Variants in KAT14 observed in about 807,000 individuals in gnomAD.
The protein encoded by KAT14 is lysine acetyltransferase 14, also known as cysteine-rich protein 2-binding protein.
A neutral mutation model predicts 78.4 loss-of-function variants in KAT14; 66 were observed. That is an observed-to-expected ratio of 0.84 (90% CI 0.69 to 1.03). The LOEUF (loss-of-function observed/expected upper bound fraction) is 1.03, where lower values mean the gene tolerates loss of function less well. KAT14 is among the 50% of genes least tolerant of loss of function. KAT14 has a pLI of 0.00. For missense variants in KAT14, 870 were observed against 972.5 expected (o/e 0.89, Z 1.40); for synonymous variants, 344 against 359.4 (o/e 0.96, Z 0.48).
intron 7 of KAT14, among the ~76,000 whole-genome samples, chr20:18,173,865 C>G (rs934788648): frequency 9.2e-5 from 14 of 152,136 alleles, no homozygotes; most frequent in African/African-American, 3.1e-4. Context: ...TTACAATTCA[C>G]CTATTTAAAG....
At chr20:18,184,460 T>A in intron 9 of KAT14, 142 bp from the exon 10 acceptor site, 1 of 746,190 alleles carries the variant, frequency 1.3e-6, no homozygotes, top group Non-Finnish European at 2.1e-6. Flanking sequence ...GGTTGTGTGG[T>A]CTCTATGTTA....
Position 18,187,534 on chromosome 20 carries a change from G to T in KAT14, c.*75G>T. ...TTGTGGAGATCTAAAGGCAGTGATT[G>T]ATTTCACAGGGAGCTCTAATCTCTG... On this transcript the variant is annotated 3_prime_UTR_variant, in exon 11 of 11. Transcript: ENST00000688188. 1 of 1,590,526 alleles carries T rather than the reference G, an allele frequency of 6.3e-7. No individual in the cohort carries two copies. Among genetic ancestry groups the T allele is most frequent in the South Asian group, 1.2e-5 (1 of 86,442 alleles).
chr20:18,187,480 A>T lies in KAT14; in HGVS notation c.*21A>T. 4 of 1,613,528 alleles carry T rather than the reference A, an allele frequency of 2.5e-6. No homozygotes were observed. Among genetic ancestry groups the T allele is most frequent in the Non-Finnish European group, 3.4e-6 (4 of 1,179,834 alleles). Reference sequence around the variant, plus strand: ...GCTGATGCGAATACAGCTCACAGAGAAACGCATGTGCTATTGGAGAACAGG... The same window carrying T: ...GCTGATGCGAATACAGCTCACAGAGTAACGCATGTGCTATTGGAGAACAGG... On this transcript the variant is annotated 3_prime_UTR_variant, in exon 11 of 11. Coordinates refer to ENST00000688188, the MANE Select transcript of KAT14 (RefSeq NM_001392073.1).
At position 18,162,844 on chromosome 20, in the gene KAT14, G is replaced by C. The variant is rs764869019; in HGVS notation, c.1567G>C (p.Gly523Arg). ...VVNAALLLVDGIYGAKEGGIS... is the reference protein window; with the variant it reads ...VVNAALLLVDRIYGAKEGGIS... ...TAATGCTGCTCTTTTGTTAGTTGACGGGATTTATGGAGCCAAAGAAGGAGG... is the reference window on the plus strand; with the variant it reads ...TAATGCTGCTCTTTTGTTAGTTGACCGGATTTATGGAGCCAAAGAAGGAGG... The change falls in exon 7 of 11, where the codon GGG (glycine) becomes CGG (arginine). Residue 523 changes from glycine to arginine, a missense_variant. Coordinates refer to ENST00000688188, the MANE Select transcript of KAT14 (RefSeq NM_001392073.1). 1.2e-6 allele frequency: 2 copies of C among 1,614,154 alleles called. No homozygotes were observed. Among genetic ancestry groups the C allele is most frequent in the South Asian group, 1.1e-5 (1 of 91,078 alleles).
chr20:18,184,860 G>T, intron 10 of KAT14, 68 bp downstream of exon 10: 1 of 1,499,080 alleles, frequency 6.7e-7, no homozygotes. Context: ...GAGGAGGAAT[G>T]AAGCTGAGCT....
At chr20:18,150,778 T>G in intron 3 of KAT14, 43 bp from the exon 4 acceptor site, 3 of 1,612,998 alleles carry the variant, frequency 1.9e-6, no homozygotes, top group South Asian at 2.2e-5. Flanking sequence ...TTAACATCCC[T>G]AACCGTGCTG....
At chr20:18,171,769 A>AC (rs1375524719) in intron 7 of KAT14, among the ~76,000 whole-genome samples, 6 of 152,126 alleles carry the variant, frequency 3.9e-5, no homozygotes, top group African/African-American at 9.7e-5. Context: ...CTGAGATCAT[A>AC]CCCCTGCACT....
chr20:18,140,979 TC>T (rs2037528263), intron 1 of KAT14, among the ~76,000 whole-genome samples: 1 of 144,016 alleles, frequency 6.9e-6, no homozygotes, highest in Non-Finnish European at 1.5e-5. Context: ...CACCTCAGCC[TC>T]CGGAGTAGCT....
rs2039263289 is a variant in KAT14, at chr20:18,181,768, TGGTA to T, written c.1730_1733del (p.Val577AspfsTer20). 1 of 1,614,196 alleles carries T rather than the reference TGGTA, an allele frequency of 6.2e-7. No individual in the cohort carries two copies. The highest frequency in any genetic ancestry group is 8.5e-7 in the Non-Finnish European group (1 of 1,180,026). ...CAGACCACCAAGTTTTTGTATCGCT[TGGTA>T]GGATCAGAAGATATGGCTGTGGACC... On this transcript the variant is annotated frameshift_variant, in exon 8 of 11. Transcript: ENST00000688188. LOFTEE classifies it high-confidence loss of function.
At chr20:18,138,776 A>G (rs1179146482) in intron 1 of KAT14, among the ~76,000 whole-genome samples, 4 of 151,776 alleles carry the variant, frequency 2.6e-5, no homozygotes, top group Non-Finnish European at 5.9e-5. Context: ...CTCAGTTCAT[A>G]TTTTCTTTCT....
intron 7 of KAT14, among the ~76,000 whole-genome samples, chr20:18,170,685 C>T (rs920610457): frequency 6.6e-6 from 1 of 152,190 alleles, no homozygotes; most frequent in Non-Finnish European, 1.5e-5. Context: ...CAGGCGTCCG[C>T]CACCATGCCC....
rs1345913659 is a variant in KAT14, at chr20:18,142,734, A to G, written c.74A>G (p.Glu25Gly). Residue 25 changes from glutamate to glycine, a missense_variant, in exon 2 of 11, where the codon GAA becomes GGA. Coordinates refer to ENST00000688188, the MANE Select transcript of KAT14 (RefSeq NM_001392073.1). ...GAAGCCACGAGAACATCGACCTCAGAAGGACTGGAGGAAGGTGAAGTGGAG... is the reference window on the plus strand; with the variant it reads ...GAAGCCACGAGAACATCGACCTCAGGAGGACTGGAGGAAGGTGAAGTGGAG... ...DDEATRTSTS[E>G]GLEEGEVEGE... is the part of the protein sequence containing the mutation. 1.2e-6 allele frequency: 2 copies of G among 1,614,196 alleles called. No individual in the cohort carries two copies. The highest frequency in any genetic ancestry group is 1.3e-5 in the African/African-American group (1 of 75,052).
chr20:18,148,871 A>G (rs1668551106), intron 3 of KAT14, among the ~76,000 whole-genome samples: 2 of 152,058 alleles, frequency 1.3e-5, no homozygotes, highest in South Asian at 2.1e-4. Flanking sequence ...CAGCCTCCCA[A>G]AGTGCTGGGA....
At chr20:18,140,186 G>T (rs2037476658) in intron 1 of KAT14, among the ~76,000 whole-genome samples, 1 of 152,040 alleles carries the variant, frequency 6.6e-6, no homozygotes, top group Non-Finnish European at 1.5e-5. Flanking sequence ...GGCTTGGGAG[G>T]GTGGGTATCG....
chr20:18,182,444 T>C (rs2039294471), intron 8 of KAT14, among the ~76,000 whole-genome samples: 1 of 152,214 alleles, frequency 6.6e-6, no homozygotes, highest in Non-Finnish European at 1.5e-5. Flanking sequence ...TTTTAAATAC[T>C]AAAGTTGTAT....
chr20:18,180,075 G>T (rs770909188), intron 7 of KAT14, among the ~76,000 whole-genome samples: 14 of 152,008 alleles, frequency 9.2e-5, no homozygotes, highest in Non-Finnish European at 1.6e-4. Context: ...CACCATGTTG[G>T]CCAGGCTGGT....
At chr20:18,172,340 TCCG>T (rs2038874249) in intron 7 of KAT14, among the ~76,000 whole-genome samples, 1 of 151,752 alleles carries the variant, frequency 6.6e-6, no homozygotes. Flanking sequence ...GACCTCGTGA[TCCG>T]CCCGCCTCGG....
Position 18,162,464 on chromosome 20 carries a change from T to C in KAT14, c.1187T>C (p.Val396Ala), listed in dbSNP as rs919794112. 4.3e-6 allele frequency: 7 copies of C among 1,613,710 alleles called. No homozygotes were observed. The highest frequency in any genetic ancestry group is 5.9e-6 in the Non-Finnish European group (7 of 1,179,964). ...PPAGSVASGP[V>A]VGVRKKVRGP... The stretch of plus-strand genomic sequence containing the variant: ...GCTGGGTCAGTAGCTTCTGGGCCAG[T>C]GGTTGGGGTCAGAAAGAAGGTCAGA... Residue 396 changes from valine to alanine, a missense_variant, in exon 7 of 11, where the codon GTG (valine) becomes GCG (alanine). Val to Ala is a moderately conservative substitution (Grantham distance 64). Transcript: ENST00000688188.
intron 7 of KAT14, 152 bp downstream of exon 7, chr20:18,163,097 A>C: frequency 4.8e-6 from 5 of 1,037,806 alleles, no homozygotes; most frequent in Non-Finnish European, 6.8e-6. Context: ...AAATACAAAA[A>C]TCGCTGGGCT....
Sources: gnomAD v4.1 joint callset for allele counts (sites outside exome capture counted in the v4.1 genomes callset) on GRCh38, gnomAD v4.1.1 for gene constraint, MANE v1.5 for transcripts, NCBI Gene and HGNC (gene_info 2026-07-23, HGNC 2026-07-21) for gene names.